The following TNRC6B variants were observed in gnomAD, a reference collection of about 807,000 sequenced individuals.
The protein encoded by TNRC6B is trinucleotide repeat-containing gene 6B protein.
Under a neutral mutation model 203.6 loss-of-function variants are expected in TNRC6B, and 52 were observed. The observed-to-expected ratio is 0.26, with a 90% CI of 0.20 to 0.32. TNRC6B has a LOEUF of 0.32. TNRC6B is among the 10% of genes least tolerant of loss of function. The pLI is 1.00. For synonymous variants in TNRC6B, 838 were observed against 845.7 expected (o/e 0.99, Z 0.16); for missense variants, 1,923 against 2,286.2 (o/e 0.84, Z 3.24).
At chr22:40,091,020 C>A (rs550909297) in intron 1 of TNRC6B, among the ~76,000 whole-genome samples, 1 of 152,182 alleles carries the variant, frequency 6.6e-6, no homozygotes, top group Admixed American at 6.5e-5. Flanking sequence ...CTCACTCTCT[C>A]GCCCAGGCTG....
At chr22:40,204,524 T>G (rs1601881599) in intron 1 of TNRC6B, among the ~76,000 whole-genome samples, 1 of 152,220 alleles carries the variant, frequency 6.6e-6, no homozygotes, top group Admixed American at 6.5e-5. Context: ...ATTCCAAAAA[T>G]GCTAACAAGT....
In TNRC6B at chr22:40,074,991, A is replaced by G. The variant is rs79982954; in HGVS notation, c.-121+29993A>G. On this transcript the variant is annotated intron_variant, in intron 1 of 23. Coordinates refer to the TNRC6B transcript ENST00000301923. Reference sequence around the variant, plus strand: ...ATACTGTTACCATAAAACACATGCAATTTCAGTCCTTTGAGATCTGTCATG... The same window carrying G: ...ATACTGTTACCATAAAACACATGCAGTTTCAGTCCTTTGAGATCTGTCATG... 3.1e-3 allele frequency among the ~76,000 whole-genome samples: 472 copies of G among 151,524 alleles called. 2 individuals are homozygous for G. The highest frequency in any genetic ancestry group is 5.5e-3 in the Non-Finnish European group (374 of 67,848).
chr22:40,141,113 TTC>T (rs1010217337), intron 3 of TNRC6B, among the ~76,000 whole-genome samples: 2 of 151,838 alleles, frequency 1.3e-5, no homozygotes, highest in African/African-American at 4.8e-5. Flanking sequence ...TGCTTCAAAT[TTC>T]TCTCTCTCTA....
chr22:40,316,128 G>C, intron 21 of TNRC6B, 116 bp downstream of exon 21: 5 of 841,828 alleles, frequency 5.9e-6, no homozygotes, highest in South Asian at 4.7e-5. Context: ...GCCGAGGCGG[G>C]TGCATCACGA....
intron 1 of TNRC6B, among the ~76,000 whole-genome samples, chr22:40,050,872 T>C (rs180890576): frequency 3.2e-4 from 49 of 151,886 alleles, no homozygotes; most frequent in Non-Finnish European, 6.0e-4. Flanking sequence ...TTGCCCAGGC[T>C]GGAGTGTAGT....
At chr22:40,297,650 C>T (rs796753050) in intron 12 of TNRC6B, among the ~76,000 whole-genome samples, 8 of 152,078 alleles carry the variant, frequency 5.3e-5, no homozygotes, top group African/African-American at 9.6e-5. Context: ...GGTAAAACCC[C>T]GTCTCTACTA....
intron 2 of TNRC6B, among the ~76,000 whole-genome samples, chr22:40,123,966 C>T (rs1273177549): frequency 7.0e-6 from 1 of 141,996 alleles, no homozygotes; most frequent in Non-Finnish European, 1.5e-5. Context: ...AGCCTATTTT[C>T]ACTTGCTGTG....
chr22:40,057,288 C>T (rs1330802562), intron 1 of TNRC6B, among the ~76,000 whole-genome samples: 1 of 140,824 alleles, frequency 7.1e-6, no homozygotes, highest in African/African-American at 2.7e-5. Context: ...TGAAAATATG[C>T]CAGGTTTTTT....
chr22:40,049,107 C>T (rs920849490), intron 1 of TNRC6B, among the ~76,000 whole-genome samples: 5 of 152,012 alleles, frequency 3.3e-5, no homozygotes, highest in African/African-American at 7.2e-5. Flanking sequence ...GCTGGCTGGG[C>T]GCGGTGGCTA....
intron 1 of TNRC6B, among the ~76,000 whole-genome samples, chr22:40,181,353 C>G (rs548763331): frequency 6.6e-6 from 1 of 152,134 alleles, no homozygotes; most frequent in South Asian, 2.1e-4. Context: ...CTCACCCTAC[C>G]CAGCTGCTCC....
At chr22:40,107,722 A>C (rs760556500) in intron 1 of TNRC6B, among the ~76,000 whole-genome samples, 1 of 152,082 alleles carries the variant, frequency 6.6e-6, no homozygotes, top group Non-Finnish European at 1.5e-5. Flanking sequence ...AAAAAATTAA[A>C]TTAAAAAATA....
At chr22:40,146,307 A>G (rs1315918229) in intron 3 of TNRC6B, among the ~76,000 whole-genome samples, 1 of 152,182 alleles carries the variant, frequency 6.6e-6, no homozygotes. Context: ...CTGGGCTGGT[A>G]GGGGAAGATC....
At chr22:40,320,549 C>T (rs2071321548) in intron 21 of TNRC6B, among the ~76,000 whole-genome samples, 1 of 152,176 alleles carries the variant, frequency 6.6e-6, no homozygotes, top group South Asian at 2.1e-4. Flanking sequence ...GTTCATCCAA[C>T]TCATAGGTTA....
At chr22:40,140,647 A>T (rs1040968937) in intron 3 of TNRC6B, among the ~76,000 whole-genome samples, 7 of 151,970 alleles carry the variant, frequency 4.6e-5, no homozygotes, top group Admixed American at 2.6e-4. Context: ...TTTCTATCTT[A>T]TTCCTTTTTT....
chr22:40,191,554 T>G (rs1237714149), intron 1 of TNRC6B, among the ~76,000 whole-genome samples: 1 of 152,088 alleles, frequency 6.6e-6, no homozygotes, highest in African/African-American at 2.4e-5. Context: ...GTAGTTTGAT[T>G]GGTTTTGTAT....
At chr22:40,151,534 T>A in intron 3 of TNRC6B, among the ~76,000 whole-genome samples, 1 of 94,746 alleles carries the variant, frequency 1.1e-5, no homozygotes, top group South Asian at 3.9e-4. Flanking sequence ...TGAGACTGCA[T>A]CTCAAAAAAA....
intron 4 of TNRC6B, among the ~76,000 whole-genome samples, chr22:40,263,808 C>T (rs963062639): frequency 2.0e-5 from 3 of 152,298 alleles, no homozygotes; most frequent in South Asian, 2.1e-4. Flanking sequence ...GGGCACCTAG[C>T]TCAGTGGCTC....
chr22:40,288,203 A>G (rs78136467), intron 12 of TNRC6B, among the ~76,000 whole-genome samples: 4,092 of 152,384 alleles, frequency 0.027, 172 homozygotes, highest in African/African-American at 0.093. Context: ...ACTTGGCCCT[A>G]TGGGCCAATC....
At chr22:40,222,726 C>CTT (rs1601896876) in intron 1 of TNRC6B, among the ~76,000 whole-genome samples, 3 of 79,128 alleles carry the variant, frequency 3.8e-5, no homozygotes, top group African/African-American at 1.4e-4. Context: ...CTCTCTCTCT[C>CTT]TCTTTTTTTT....
Sources: allele counts gnomAD v4.1 joint callset (sites outside exome capture counted in the v4.1 genomes callset), GRCh38; gene constraint gnomAD v4.1.1; transcripts MANE v1.5; gene names NCBI Gene and HGNC (gene_info 2026-07-23, HGNC 2026-07-21).